The following OR51B5 variants were observed in gnomAD, a reference collection of about 807,000 sequenced individuals.
OR51B5 encodes the protein olfactory receptor 51B5.
For missense variants in OR51B5, 456 were observed against 374.6 expected (o/e 1.22, Z -1.79); for synonymous variants, 186 against 144.8 (o/e 1.28, Z -2.04).
chr11:5,369,074 G>C (rs1849414040), intron 1 of OR51B5, among the ~76,000 whole-genome samples: 1 of 152,184 alleles, frequency 6.6e-6, no homozygotes, highest in South Asian at 2.1e-4. Context: ...AGCAGAATCT[G>C]TGATAGGGTG....
chr11:5,346,646 G>T (rs1848996043), upstream of OR51B5, among the ~76,000 whole-genome samples: 1 of 152,142 alleles, frequency 6.6e-6, no homozygotes, highest in Non-Finnish European at 1.5e-5. Flanking sequence ...GTAGTTGGTT[G>T]GTAGCACTTG....
At chr11:5,390,586 C>T in intron 1 of OR51B5, 2 of 521,354 alleles carry the variant, frequency 3.8e-6, no homozygotes, top group Non-Finnish European at 6.7e-6. Flanking sequence ...CAGCTGAGAA[C>T]TGGCATTTTT....
chr11:5,371,654 C>A (rs4910776), intron 1 of OR51B5, among the ~76,000 whole-genome samples: 1 of 151,810 alleles, frequency 6.6e-6, no homozygotes. Flanking sequence ...TAAGCTTGTT[C>A]AAAAAATATA....
chr11:5,361,134 G>C (rs907932215), intron 1 of OR51B5, among the ~76,000 whole-genome samples: 1 of 137,418 alleles, frequency 7.3e-6, no homozygotes, highest in Non-Finnish European at 1.6e-5. Context: ...AAAACTTAAA[G>C]TATAATAATA....
downstream of OR51B5, among the ~76,000 whole-genome samples, chr11:5,341,795 G>A (rs1848897631): frequency 1.3e-5 from 2 of 152,140 alleles, no homozygotes; most frequent in Non-Finnish European, 2.9e-5. Context: ...GTCAGCCAGC[G>A]TAGATATCTG....
intron 1 of OR51B5, among the ~76,000 whole-genome samples, chr11:5,368,797 C>G (rs917472585): frequency 6.6e-6 from 1 of 152,152 alleles, no homozygotes; most frequent in Admixed American, 6.6e-5. Flanking sequence ...TGAAAGCTTA[C>G]GATGGCTTTT....
chr11:5,478,850 A>G (rs1370596154), intron 1 of OR51B5, among the ~76,000 whole-genome samples: 1 of 150,328 alleles, frequency 6.7e-6, no homozygotes, highest in Non-Finnish European at 1.5e-5. Context: ...TCCAAGAAAT[A>G]TGGGACTATG....
chr11:5,443,728 C>A (rs950364147), intron 1 of OR51B5, among the ~76,000 whole-genome samples: 1 of 151,942 alleles, frequency 6.6e-6, no homozygotes, highest in Admixed American at 6.6e-5. Context: ...GGAGAAAATT[C>A]CCCACCACCA....
chr11:5,449,571 T>C (rs922931353), intron 1 of OR51B5, among the ~76,000 whole-genome samples: 6 of 152,352 alleles, frequency 3.9e-5, no homozygotes, highest in African/African-American at 1.4e-4. Flanking sequence ...CATGTACTGA[T>C]TGTATAACCC....
intron 1 of OR51B5, among the ~76,000 whole-genome samples, chr11:5,359,223 C>T (rs376833156): frequency 0.37 from 52,176 of 142,718 alleles, 10,050 homozygotes; most frequent in Non-Finnish European, 0.39. Context: ...GCAGATGACA[C>T]GATTGTATAT....
At chr11:5,469,397 G>C (rs985254259) in intron 1 of OR51B5, 7 of 152,344 alleles carry the variant, frequency 4.6e-5, no homozygotes, top group African/African-American at 1.7e-4. Context: ...GGTAGTACTT[G>C]AGATGTTAGT....
intron 1 of OR51B5, chr11:5,489,211 C>A (rs768711577): frequency 1.3e-5 from 21 of 1,613,824 alleles, no homozygotes; most frequent in Non-Finnish European, 5.1e-6. Flanking sequence ...GCTGAGGCGA[C>A]TCCCCTACTG....
intron 1 of OR51B5, among the ~76,000 whole-genome samples, chr11:5,434,364 A>G (rs1411113532): frequency 2.0e-5 from 3 of 152,186 alleles, no homozygotes; most frequent in South Asian, 4.1e-4. Context: ...GTGTTTCATC[A>G]TCCACTAGAC....
In OR51B5 at chr11:5,491,476, G is replaced by A. The variant is rs569612955; in HGVS notation, n.84+14093C>T. Among the ~76,000 whole-genome samples, 6 of 152,272 alleles carry A rather than the reference G, an allele frequency of 3.9e-5. No individual in the cohort carries two copies. The East Asian group carries it at 1.2e-3, about 29-fold the overall frequency. ...AAGCTCAGAGGAGAATGATCAGAGG[G>A]GTGGAACAGATTGGAAGAGGAGGAG... On this transcript the variant is annotated intron_variant and non_coding_transcript_variant, in intron 1 of 4. Coordinates refer to the OR51B5 transcript ENST00000415970.
chr11:5,457,469 T>G (rs533143327), intron 1 of OR51B5, among the ~76,000 whole-genome samples: 11 of 152,342 alleles, frequency 7.2e-5, no homozygotes, highest in Non-Finnish European at 1.5e-4. Flanking sequence ...GTAGAATGAT[T>G]TATACTCCTT....
At chr11:5,498,380 A>G (rs1172209053) in intron 1 of OR51B5, among the ~76,000 whole-genome samples, 1 of 152,198 alleles carries the variant, frequency 6.6e-6, no homozygotes, top group Non-Finnish European at 1.5e-5. Context: ...AACAAAGGAC[A>G]GGACCCAAGA....
intron 1 of OR51B5, among the ~76,000 whole-genome samples, chr11:5,471,509 G>C (rs1448491722): frequency 6.6e-6 from 1 of 152,014 alleles, no homozygotes; most frequent in East Asian, 1.9e-4. Flanking sequence ...GGTCACACAT[G>C]ACTGTAATCC....
intron 1 of OR51B5, among the ~76,000 whole-genome samples, chr11:5,396,627 C>T (rs994610286): frequency 7.9e-5 from 12 of 151,816 alleles, no homozygotes; most frequent in Non-Finnish European, 1.3e-4. Flanking sequence ...GGCCATACTG[C>T]CCAAGGTAAT....
chr11:5,466,807 T>A (rs930443254), intron 1 of OR51B5, among the ~76,000 whole-genome samples: 1 of 152,224 alleles, frequency 6.6e-6, no homozygotes, highest in African/African-American at 2.4e-5. Flanking sequence ...AGGCCACTTC[T>A]GTGTGTCAGA....
Sources: allele counts gnomAD v4.1 joint callset (sites outside exome capture counted in the v4.1 genomes callset), GRCh38; gene constraint gnomAD v4.1.1; transcripts MANE v1.5; gene names NCBI Gene and HGNC (gene_info 2026-07-23, HGNC 2026-07-21).